The following ZDHHC1 variants were observed in gnomAD, a reference collection of about 807,000 sequenced individuals.
ZDHHC1 encodes zDHHC palmitoyltransferase 1.
Under a neutral mutation model 46.9 loss-of-function variants are expected in ZDHHC1, and 45 were observed. That is an observed-to-expected ratio of 0.96 (90% CI 0.76 to 1.23). ZDHHC1 has a LOEUF of 1.23. Ranked by LOEUF, ZDHHC1 falls within the 50% of genes most tolerant of loss-of-function variation. The pLI is 0.00. For missense variants in ZDHHC1, 649 were observed against 670.8 expected (o/e 0.97, Z 0.36); for synonymous variants, 291 against 286.0 (o/e 1.02, Z -0.18).
chr16:67,394,541 C>T lies in ZDHHC1; in HGVS notation c.*69G>A, dbSNP rs546523224. On this transcript the variant is annotated 3_prime_UTR_variant, in exon 12 of 12. Transcript: ENST00000565726. ...GGCCCCTAAAGTGCACTCGGTGCGG[C>T]AAGGATGGGGTGTTGCATAGAGAGT... The T allele has an allele frequency of 1.2e-5, 13 of 1,119,522 alleles. No individual in the cohort carries two copies. Among genetic ancestry groups the T allele is most frequent in the Non-Finnish European group, 1.4e-5 (13 of 916,380 alleles). 69.3% of individuals were successfully genotyped at this position (1,119,522 alleles called of 1,614,324 possible). A position where few individuals can be genotyped will look rare whatever the true frequency, so the allele number is the denominator to read the frequency against.
intron 3 of ZDHHC1, chr16:67,404,341 C>T (rs895574531): frequency 2.5e-5 from 5 of 204,020 alleles, no homozygotes; most frequent in South Asian, 8.9e-5. Context: ...CACCACGTGG[C>T]GTGCACCAGC....
chr16:67,408,571 C>G lies in ZDHHC1; in HGVS notation c.-38-758G>C, dbSNP rs565520718. 4.6e-5 allele frequency among the ~76,000 whole-genome samples: 7 copies of G among 151,108 alleles called. No individual in the cohort carries two copies. The South Asian group carries it at 1.5e-3, about 32-fold the overall frequency. On this transcript the variant is annotated intron_variant, in intron 1 of 11. Coordinates refer to ENST00000565726, the MANE Select transcript of ZDHHC1 (RefSeq NM_001323627.2). ...GCGCAATGATAGCTCACTGAAGCTTCAATCTCCTGGGCTCAAGTGATCCTC... is the reference window on the plus strand; with the variant it reads ...GCGCAATGATAGCTCACTGAAGCTTGAATCTCCTGGGCTCAAGTGATCCTC...
intron 5 of ZDHHC1, 73 bp downstream of exon 5, chr16:67,399,282 G>T: frequency 1.5e-6 from 2 of 1,372,768 alleles, no homozygotes; most frequent in Non-Finnish European, 2.0e-6. Flanking sequence ...CCTGCCATGC[G>T]AGCTGCAAGG....
intron 1 of ZDHHC1, among the ~76,000 whole-genome samples, chr16:67,414,307 C>T (rs1021660310): frequency 1.3e-5 from 2 of 152,224 alleles, no homozygotes; most frequent in South Asian, 2.1e-4. Flanking sequence ...TTAAGCACCA[C>T]TGTTGCTTTT....
At chr16:67,407,026 C>G (rs1048981802) in intron 2 of ZDHHC1, among the ~76,000 whole-genome samples, 21 of 152,254 alleles carry the variant, frequency 1.4e-4, no homozygotes, top group African/African-American at 5.1e-4. Flanking sequence ...TGGGGAGGGG[C>G]CAGCACATGT....
At chr16:67,408,736 T>G (rs1293321229) in intron 1 of ZDHHC1, among the ~76,000 whole-genome samples, 1 of 152,192 alleles carries the variant, frequency 6.6e-6, no homozygotes, top group African/African-American at 2.4e-5. Context: ...TCTTCCCACT[T>G]TATCCTCCCA....
chr16:67,405,417 C>T (rs1245581314), intron 3 of ZDHHC1, among the ~76,000 whole-genome samples: 2 of 152,194 alleles, frequency 1.3e-5, no homozygotes, highest in East Asian at 1.9e-4. Flanking sequence ...TTAGGCTTAT[C>T]GCCGCCAACC....
intron 1 of ZDHHC1, among the ~76,000 whole-genome samples, chr16:67,408,122 T>C (rs894854587): frequency 6.6e-6 from 1 of 152,168 alleles, no homozygotes; most frequent in Non-Finnish European, 1.5e-5. Context: ...GGACTTAGTT[T>C]TCCCCCAGGG....
At position 67,395,499 on chromosome 16, in the gene ZDHHC1, G is replaced by T; in HGVS notation, c.995C>A (p.Ala332Glu). The T allele has an allele frequency of 6.4e-7, 1 of 1,554,206 alleles. No individual in the cohort carries two copies. The change falls in exon 9 of 12, where the codon GCA (alanine) becomes GAA (glutamate). Residue 332 changes from alanine to glutamate, a missense_variant. Transcript: ENST00000565726. ...TTGCACTCACTTGGCATTCACTGCT[G>T]CTGGCCCGGCCTGGCCAGGGGGCTC... is the stretch of plus-strand genomic sequence containing the variant. ...RPEPPGQAGP[A>E]AVNANPSQFL...
chr16:67,408,438 G>A (rs536971081), intron 1 of ZDHHC1, among the ~76,000 whole-genome samples: 1 of 152,144 alleles, frequency 6.6e-6, no homozygotes, highest in South Asian at 2.1e-4. Context: ...GCCTCCCAAA[G>A]TGCTGGGATT....
chr16:67,404,924 T>A (rs186495665), intron 3 of ZDHHC1, among the ~76,000 whole-genome samples: 2 of 152,350 alleles, frequency 1.3e-5, no homozygotes, highest in East Asian at 1.9e-4. Context: ...GGTATCCTGA[T>A]GGGAGGAACC....
intron 8 of ZDHHC1, 31 bp downstream of exon 8, chr16:67,398,181 C>T (rs752696989): frequency 1.2e-6 from 2 of 1,603,330 alleles, no homozygotes; most frequent in South Asian, 2.2e-5. Flanking sequence ...CCCCCACACC[C>T]AGGCCCCCTC....
At chr16:67,403,825 G>T (rs143310801) in intron 3 of ZDHHC1, among the ~76,000 whole-genome samples, 76 of 152,222 alleles carry the variant, frequency 5.0e-4, no homozygotes, top group African/African-American at 1.6e-3. Flanking sequence ...TGTTGGCCAG[G>T]CTGGTCTGGA....
Position 67,395,213 on chromosome 16 carries a change from CGA to C in ZDHHC1, c.1076_1077del (p.Leu359ArgfsTer18), listed in dbSNP as rs2040403634. The C allele has an allele frequency of 6.2e-7, 1 of 1,610,700 alleles. No homozygotes were observed. Among genetic ancestry groups the C allele is most frequent in the South Asian group, 1.1e-5 (1 of 90,596 alleles). On this transcript the variant is annotated frameshift_variant, in exon 10 of 12. Coordinates refer to ENST00000565726, the MANE Select transcript of ZDHHC1 (RefSeq NM_001323627.2). LOFTEE classifies it high-confidence loss of function. Reference protein sequence around the residue: ...EPPPPSSPDTLALPPRIRPQK... With the variant: ...EPPPPSSPDTXALPPRIRPQK... The stretch of plus-strand genomic sequence containing the variant: ...TGGGGTCGGATCCGGGGAGGCAGGG[CGA>C]GAGTGTCTGGGGAAGAGGGTGGTGG...
Position 67,406,439 on chromosome 16 carries a change from T to C in ZDHHC1, c.13A>G (p.Asn5Asp). ...TTGTTGGAGGGCTTGTTGCAGATGT[T>C]CATCTCCAGAGGGAGAAACAGTAGA... MYKM[N>D]ICNKPSNKTA... The change falls in exon 3 of 12, where the codon AAC becomes GAC. Residue 5 changes from asparagine (N) to aspartate (D), a missense_variant. Transcript: ENST00000565726. This position sits in a 1 kb window ranked among gnomAD's most constrained non-coding sequence, Gnocchi z 4.1. 6.5e-7 allele frequency: 1 copy of C among 1,535,004 alleles called. No individual in the cohort carries two copies.
chr16:67,410,557 C>T (rs920581929), intron 1 of ZDHHC1, among the ~76,000 whole-genome samples: 2 of 152,074 alleles, frequency 1.3e-5, no homozygotes, highest in Admixed American at 1.3e-4. Flanking sequence ...AAGCCATTGG[C>T]AGGATGACAG....
At chr16:67,400,126 CG>C (rs1473015801) in intron 4 of ZDHHC1, among the ~76,000 whole-genome samples, 1 of 152,196 alleles carries the variant, frequency 6.6e-6, no homozygotes, top group East Asian at 1.9e-4. Flanking sequence ...AGCAGCTGCT[CG>C]GAAAGTGTGC....
chr16:67,404,854 T>C (rs1331589770), intron 3 of ZDHHC1: 1 of 390,680 alleles, frequency 2.6e-6, no homozygotes, highest in African/African-American at 2.1e-5. Context: ...TTATCATGAT[T>C]TGCTCTGCTT....
Position 67,407,788 on chromosome 16 carries a change from G to C in ZDHHC1, c.-13C>G, listed in dbSNP as rs1313192666. On this transcript the variant is annotated 5_prime_UTR_variant, in exon 2 of 12. Coordinates refer to ENST00000565726, the MANE Select transcript of ZDHHC1 (RefSeq NM_001323627.2). ...GTACCTTGTACATAGTAGATCCTCA[G>C]TAAATGTTTGCTGACTTGAAAACAG... 1 of 780,896 alleles carries C rather than the reference G, an allele frequency of 1.3e-6. No individual in the cohort carries two copies. 48.4% of individuals were successfully genotyped at this position (780,896 alleles called of 1,614,324 possible).
Sources: allele counts gnomAD v4.1 joint callset (sites outside exome capture counted in the v4.1 genomes callset), GRCh38; gene constraint gnomAD v4.1.1; non-coding constraint Gnocchi (gnomAD v3.1); transcripts MANE v1.5; gene names NCBI Gene and HGNC (gene_info 2026-07-23, HGNC 2026-07-21).